Variants in GASK1A observed in about 807,000 individuals in gnomAD.
The protein encoded by GASK1A is golgi associated kinase 1A.
Under a neutral mutation model 41.2 loss-of-function variants are expected in GASK1A, and 40 were observed. The observed-to-expected ratio is 0.97, with a 90% CI of 0.75 to 1.27. The LOEUF (loss-of-function observed/expected upper bound fraction) is 1.27. Among genes scored for constraint, GASK1A ranks in the 50% most tolerant of loss-of-function variants. GASK1A has a pLI of 0.00. For missense variants in GASK1A, 678 were observed against 745.1 expected (o/e 0.91, Z 1.05); for synonymous variants, 316 against 307.1 (o/e 1.03, Z -0.30).
chr3:43,029,170 G>A lies in GASK1A; in HGVS notation c.4-3097G>A, dbSNP rs1019320339. ...GGAAAGTATCCATTGGCCCTGAGTC[G>A]CCTTGTATTGGCATGTCCCACTGAG... On this transcript the variant is annotated intron_variant, in intron 1 of 4. Transcript: ENST00000430121. 3.3e-5 allele frequency among the ~76,000 whole-genome samples: 5 copies of A among 152,174 alleles called. No individual in the cohort carries two copies. The East Asian group carries it at 9.7e-4, about 30-fold the overall frequency.
At chr3:43,030,853 G>C (rs888020392) in intron 1 of GASK1A, among the ~76,000 whole-genome samples, 2 of 152,144 alleles carry the variant, frequency 1.3e-5, no homozygotes, top group Admixed American at 6.5e-5. Flanking sequence ...TGGTACTTTT[G>C]AGAGAAAGCA....
chr3:43,035,704 G>A (rs2089600733), intron 2 of GASK1A, among the ~76,000 whole-genome samples: 1 of 152,230 alleles, frequency 6.6e-6, no homozygotes, highest in African/African-American at 2.4e-5. Flanking sequence ...GGTCATTCAT[G>A]TAATGTACTT....
intron 1 of GASK1A, among the ~76,000 whole-genome samples, chr3:43,012,389 A>G (rs1302184460): frequency 6.6e-6 from 1 of 151,658 alleles, no homozygotes; most frequent in East Asian, 2.0e-4. Flanking sequence ...GTGTGATGTC[A>G]CAAGTAGGGG....
intron 2 of GASK1A, among the ~76,000 whole-genome samples, chr3:43,041,295 G>A (rs59461368): frequency 0.022 from 3,408 of 152,122 alleles, 110 homozygotes; most frequent in African/African-American, 0.071. Flanking sequence ...CTGAGGAATC[G>A]TCACACTGAC....
At chr3:43,020,048 A>C (rs960662068) in intron 1 of GASK1A, among the ~76,000 whole-genome samples, 1 of 152,164 alleles carries the variant, frequency 6.6e-6, no homozygotes, top group African/African-American at 2.4e-5. Context: ...GTCCCTGTGC[A>C]GCCAGCCAAC....
intron 1 of GASK1A, among the ~76,000 whole-genome samples, chr3:43,018,528 G>A (rs1203741562): frequency 6.6e-6 from 1 of 152,142 alleles, no homozygotes; most frequent in East Asian, 1.9e-4. Flanking sequence ...AAGGATAACA[G>A]ATTATTAGTA....
intron 2 of GASK1A, among the ~76,000 whole-genome samples, chr3:43,038,288 A>G (rs2089614928): frequency 6.6e-6 from 1 of 152,188 alleles, no homozygotes; most frequent in African/African-American, 2.4e-5. Context: ...AATATTGTGC[A>G]TGTTATCATC....
intron 1 of GASK1A, among the ~76,000 whole-genome samples, chr3:43,015,009 G>A (rs891518653): frequency 6.6e-6 from 1 of 152,016 alleles, no homozygotes; most frequent in Non-Finnish European, 1.5e-5. Context: ...GCCACAGGAA[G>A]GGACAGTGAG....
chr3:43,035,902 A>G (rs1180252467), intron 2 of GASK1A, among the ~76,000 whole-genome samples: 1 of 152,240 alleles, frequency 6.6e-6, no homozygotes, highest in Non-Finnish European at 1.5e-5. Context: ...TTGTGGGCTG[A>G]GAAGCAGCCT....
chr3:43,057,237 C>T lies in GASK1A; in HGVS notation c.*851C>T, dbSNP rs2089720589. 1 of 152,158 alleles carries T rather than the reference C, an allele frequency of 6.6e-6. No homozygotes were observed. The highest frequency in any genetic ancestry group is 1.5e-5 in the Non-Finnish European group (1 of 68,040). 9.4% of individuals were successfully genotyped at this position (152,158 alleles called of 1,614,324 possible). On this transcript the variant is annotated 3_prime_UTR_variant, in exon 5 of 5. Coordinates refer to ENST00000430121, the MANE Select transcript of GASK1A (RefSeq NM_001129908.3). Reference sequence around the variant, plus strand: ...CATAATCATGAACATTTAAGTAGCTCCAATTTTTCATCAATTACAGACATT... The same window carrying T: ...CATAATCATGAACATTTAAGTAGCTTCAATTTTTCATCAATTACAGACATT...
intron 1 of GASK1A, among the ~76,000 whole-genome samples, chr3:43,002,670 AG>A (rs2089416511): frequency 6.6e-6 from 1 of 152,228 alleles, no homozygotes; most frequent in African/African-American, 2.4e-5. Flanking sequence ...TCTCATTAAT[AG>A]TTTTTATATT....
chr3:43,017,451 G>T (rs1283074919), intron 1 of GASK1A, among the ~76,000 whole-genome samples: 1 of 151,076 alleles, frequency 6.6e-6, no homozygotes, highest in African/African-American at 2.4e-5. Flanking sequence ...CACAAGAAAG[G>T]GCTGTGTGAG....
intron 1 of GASK1A, among the ~76,000 whole-genome samples, chr3:43,016,912 TGTG>T (rs1389675434): frequency 9.5e-6 from 1 of 104,946 alleles, no homozygotes; most frequent in African/African-American, 3.4e-5. Context: ...GAAGGGGCTG[TGTG>T]AAGTCCCAGG....
rs985611195 is a variant in GASK1A at position 42,979,360 on chromosome 3, C to G, written c.-283C>G. Reference sequence around the variant, plus strand: ...CGAGTAGACCGCAGAGGCTCGCGGCCGCGGGTAGGCTCCCTCAGATCCCCG... The same window carrying G: ...CGAGTAGACCGCAGAGGCTCGCGGCGGCGGGTAGGCTCCCTCAGATCCCCG... On this transcript the variant is annotated 5_prime_UTR_variant, in exon 1 of 5. Coordinates refer to ENST00000430121, the MANE Select transcript of GASK1A (RefSeq NM_001129908.3). 1.6e-5 allele frequency: 6 copies of G among 380,868 alleles called. No homozygotes were observed. The highest frequency in any genetic ancestry group is 2.8e-5 in the Non-Finnish European group (6 of 215,796). The allele number at this position is 380,868 out of a possible 1,614,324, so 23.6% of individuals were successfully genotyped here.
chr3:43,006,691 G>T (rs778067228), intron 1 of GASK1A, among the ~76,000 whole-genome samples: 24 of 152,086 alleles, frequency 1.6e-4, no homozygotes, highest in Admixed American at 1.0e-3. Flanking sequence ...TCTTAACCTG[G>T]TTTTCTAATA....
intron 2 of GASK1A, among the ~76,000 whole-genome samples, chr3:43,044,941 G>C (rs1319006334): frequency 6.6e-6 from 1 of 152,116 alleles, no homozygotes; most frequent in Admixed American, 6.5e-5. Flanking sequence ...CTAGTATGGA[G>C]GCTGTGAAGG....
At chr3:42,979,994 G>T (rs888568169) in intron 1 of GASK1A, among the ~76,000 whole-genome samples, 4 of 152,186 alleles carry the variant, frequency 2.6e-5, no homozygotes, top group Admixed American at 2.0e-4. Flanking sequence ...GGCAGCCTCT[G>T]ATGAGATGCT....
intron 1 of GASK1A, among the ~76,000 whole-genome samples, chr3:43,024,597 C>T (rs62247064): frequency 0.061 from 9,275 of 152,226 alleles, 391 homozygotes; most frequent in Non-Finnish European, 0.096. Context: ...GGGTGGCTGG[C>T]TTTCCAAACA....
chr3:43,003,672 C>T (rs2089421114), intron 1 of GASK1A, among the ~76,000 whole-genome samples: 1 of 152,170 alleles, frequency 6.6e-6, no homozygotes, highest in East Asian at 1.9e-4. Flanking sequence ...GACAATCCAC[C>T]AGGTGCAGCA....
Sources: gnomAD v4.1 joint callset for allele counts (sites outside exome capture counted in the v4.1 genomes callset) on GRCh38, gnomAD v4.1.1 for gene constraint, MANE v1.5 for transcripts, NCBI Gene and HGNC (gene_info 2026-07-23, HGNC 2026-07-21) for gene names.